Variants in PDGFRB observed in about 807,000 individuals in gnomAD.
The protein encoded by PDGFRB is platelet derived growth factor receptor beta, also known as platelet-derived growth factor receptor beta.
Under a neutral mutation model 120.2 loss-of-function variants are expected in PDGFRB, and 42 were observed. The observed-to-expected ratio is 0.35, with a 90% CI of 0.27 to 0.45. PDGFRB has a LOEUF of 0.45. Among genes scored for constraint, PDGFRB ranks in the 20% least tolerant of loss-of-function variants. The pLI is 1.00. For missense variants in PDGFRB, 1,149 were observed against 1,476.3 expected (o/e 0.78, Z 3.63); for synonymous variants, 586 against 606.8 (o/e 0.97, Z 0.50).
chr5:150,127,853 A>AAAAAAAAAAAAAAAAAAAAAAAAC (rs1562000001), intron 10 of PDGFRB, among the ~76,000 whole-genome samples: 2 of 151,030 alleles, frequency 1.3e-5, no homozygotes, highest in African/African-American at 4.9e-5. Flanking sequence ...AAAAAAAAAA[A>AAAAAAAAAAAAAAAAAAAAAAAAC]AAAAAACTTT....
intron 1 of PDGFRB, among the ~76,000 whole-genome samples, chr5:150,142,376 C>T (rs968172781): frequency 2.0e-5 from 3 of 152,190 alleles, no homozygotes; most frequent in Non-Finnish European, 2.9e-5. Context: ...ACACATTGAC[C>T]TTTGTTTCAA....
At chr5:150,149,035 G>A (rs1433611962) in intron 1 of PDGFRB, among the ~76,000 whole-genome samples, 2 of 152,234 alleles carry the variant, frequency 1.3e-5, no homozygotes, top group African/African-American at 4.8e-5. Context: ...CTTCAGGAAA[G>A]GTCTGCGGTG....
At chr5:150,131,368 T>C (rs1760460653) in intron 8 of PDGFRB, among the ~76,000 whole-genome samples, 1 of 152,158 alleles carries the variant, frequency 6.6e-6, no homozygotes, top group African/African-American at 2.4e-5. Flanking sequence ...TTTCCCCAAA[T>C]ATCCACTAAG....
At chr5:150,151,729 G>A (rs912622421) in intron 1 of PDGFRB, among the ~76,000 whole-genome samples, 10 of 151,870 alleles carry the variant, frequency 6.6e-5, no homozygotes, top group Admixed American at 2.0e-4. Context: ...GCATGGTGGC[G>A]CACACGCCTG....
chr5:150,135,683 C>G lies in PDGFRB; in HGVS notation c.236G>C (p.Gly79Ala), dbSNP rs1224840287. Reference protein sequence around the residue: ...PPQEMAKAQDGTFSSVLTLTN... With the variant: ...PPQEMAKAQDATFSSVLTLTN... The stretch of plus-strand genomic sequence containing the variant: ...CAGTGTGAGCACGCTGGAGAAGGTG[C>G]CATCCTGGGCCTTGGCCATTTCCTG... Residue 79 changes from glycine to alanine, a missense_variant, in exon 3 of 23, where the codon GGC becomes GCC. Gly to Ala is a moderately conservative substitution (Grantham distance 60). Coordinates refer to ENST00000261799, the MANE Select transcript of PDGFRB (RefSeq NM_002609.4). 6.2e-7 allele frequency: 1 copy of G among 1,614,102 alleles called. No homozygotes were observed. The highest frequency in any genetic ancestry group is 1.1e-5 in the South Asian group (1 of 91,084).
intron 1 of PDGFRB, among the ~76,000 whole-genome samples, chr5:150,139,381 G>C (rs780637070): frequency 6.6e-6 from 1 of 152,106 alleles, no homozygotes; most frequent in African/African-American, 2.4e-5. Context: ...TGAACTCTGC[G>C]TCCCCATCCA....
chr5:150,152,153 C>T (rs575958110), intron 1 of PDGFRB, among the ~76,000 whole-genome samples: 3 of 152,110 alleles, frequency 2.0e-5, no homozygotes, highest in South Asian at 2.1e-4. Flanking sequence ...GTGATCCACC[C>T]GCCTCGGCCT....
chr5:150,135,732 C>T lies in PDGFRB; in HGVS notation c.187G>A (p.Glu63Lys). The change falls in exon 3 of 23, where the codon GAA becomes AAA. Residue 63 changes from glutamate (E) to lysine (K), a missense_variant. Physicochemically the swap from Glu to Lys is moderately conservative, Grantham distance 56. This residue lies in a region of PDGFRB where 879 missense variants were observed against 1,108.6 expected (regional missense o/e 0.79). Coordinates refer to ENST00000261799, the MANE Select transcript of PDGFRB (RefSeq NM_002609.4). ...TGTGGGGGCTCCTGGGACATCCGTT[C>T]CCACACCACCGGAGCTGAACCCGAG... is the stretch of plus-strand genomic sequence containing the variant. ...TCSGSAPVVWERMSQEPPQEM... is the reference protein window; with the variant it reads ...TCSGSAPVVWKRMSQEPPQEM... 3.1e-6 allele frequency: 5 copies of T among 1,614,110 alleles called. No individual in the cohort carries two copies. In the African/African-American group the frequency reaches 6.7e-5, roughly 22 times the overall value.
At position 150,120,860 on chromosome 5, in the gene PDGFRB, C is replaced by A. The variant is rs116476231; in HGVS notation, c.2586+28G>T. 7.4e-6 allele frequency: 12 copies of A among 1,611,294 alleles called. No individual in the cohort carries two copies. The highest frequency in any genetic ancestry group is 1.0e-5 in the Non-Finnish European group (12 of 1,177,618). ...CCTGCGGTCACAGGCACTGTGACTG[C>A]CCTGCAGGGGCCAGGGAAGGTACTC... On this transcript the variant is annotated intron_variant, in intron 18 of 22. Coordinates refer to ENST00000261799, the MANE Select transcript of PDGFRB (RefSeq NM_002609.4). This position sits in a 1 kb window ranked among gnomAD's most constrained non-coding sequence, Gnocchi z 4.3.
intron 1 of PDGFRB, among the ~76,000 whole-genome samples, chr5:150,142,520 G>C (rs144443217): frequency 6.6e-6 from 1 of 152,132 alleles, no homozygotes; most frequent in African/African-American, 2.4e-5. Context: ...TCTGTTCTCC[G>C]TACCGGGGCA....
rs754766440 is a variant in PDGFRB at position 150,135,806 on chromosome 5, G to A, written c.113C>T (p.Pro38Leu). Residue 38 changes from proline (P) to leucine (L), a missense_variant, in exon 3 of 23, where the codon CCG (proline) becomes CTG (leucine). Coordinates refer to ENST00000261799, the MANE Select transcript of PDGFRB (RefSeq NM_002609.4). Reference protein sequence around the residue: ...QISQGLVVTPPGPELVLNVSS... With the variant: ...QISQGLVVTPLGPELVLNVSS... ...GACATTGAGGACAAGCTCTGGCCCCGGGGGTGTGACGACCAGGCCCTGAGA... is the reference window on the plus strand; with the variant it reads ...GACATTGAGGACAAGCTCTGGCCCCAGGGGTGTGACGACCAGGCCCTGAGA... The A allele has an allele frequency of 2.1e-5, 34 of 1,590,114 alleles. No homozygotes were observed. Among genetic ancestry groups the A allele is most frequent in the Admixed American group, 1.2e-4 (7 of 57,030 alleles).
rs1761211279 is a variant in PDGFRB at position 150,155,673 on chromosome 5, G to A, written c.-283C>T. The stretch of plus-strand genomic sequence containing the variant: ...TCGGGAGGAGCAGAGCCGCCAGAGG[G>A]GCCGCCCTGGGTCTGGCTGTCTGCG... On this transcript the variant is annotated 5_prime_UTR_variant, in exon 1 of 23. Transcript: ENST00000261799. The A allele has an allele frequency of 2.5e-6, 1 of 398,546 alleles. No homozygotes were observed. The allele number at this position is 398,546 out of a possible 1,614,324, so 24.7% of individuals were successfully genotyped here.
rs543287225 is a variant in PDGFRB at position 150,122,133 on chromosome 5, A to T, written c.2184-93T>A. 2.0e-5 allele frequency: 18 copies of T among 902,974 alleles called. No individual in the cohort carries two copies. In the South Asian group the frequency reaches 2.5e-4, roughly 13 times the overall value. The allele number at this position is 902,974 out of a possible 1,614,324, so 55.9% of individuals were successfully genotyped here. On this transcript the variant is annotated intron_variant, in intron 15 of 22. Transcript: ENST00000261799. The stretch of plus-strand genomic sequence containing the variant: ...CACTCATGAATTTCTTCTCTCACTC[A>T]CACACTCACTCATCTTCCTTCAGTC...
chr5:150,129,094 G>A (rs900761012), intron 10 of PDGFRB, among the ~76,000 whole-genome samples: 1 of 152,188 alleles, frequency 6.6e-6, no homozygotes, highest in African/African-American at 2.4e-5. Flanking sequence ...CATGTGTACG[G>A]GAATTATGCT....
intron 21 of PDGFRB, 145 bp from the exon 22 acceptor site, chr5:150,117,995 G>A: frequency 1.6e-6 from 1 of 617,754 alleles, no homozygotes; most frequent in South Asian, 2.0e-5. Flanking sequence ...AAGCCACATG[G>A]TTGAGCTGCC....
chr5:150,130,417 C>T, intron 9 of PDGFRB, 122 bp downstream of exon 9: 1 of 927,608 alleles, frequency 1.1e-6, no homozygotes. Context: ...GACCTGGCCT[C>T]CTAGGATGCA....
intron 1 of PDGFRB, among the ~76,000 whole-genome samples, chr5:150,154,334 C>G (rs1244098853): frequency 1.3e-5 from 2 of 152,110 alleles, no homozygotes; most frequent in African/African-American, 4.8e-5. Flanking sequence ...AGTAATGGGG[C>G]ACGGGGAGAT....
chr5:150,117,535 C>A, intron 22 of PDGFRB, 83 bp downstream of exon 22: 1 of 649,816 alleles, frequency 1.5e-6, no homozygotes, highest in South Asian at 1.9e-5. Context: ...GCAGCGCGCG[C>A]GCGCGCGCGC....
intron 4 of PDGFRB, 170 bp downstream of exon 4, chr5:150,134,580 G>A (rs966872916): frequency 1.1e-5 from 7 of 639,874 alleles, no homozygotes; most frequent in Non-Finnish European, 1.6e-5. Flanking sequence ...CTCTCTCTGC[G>A]CCTGAGTTTC....
Sources: allele counts gnomAD v4.1 joint callset (sites outside exome capture counted in the v4.1 genomes callset), GRCh38; gene constraint gnomAD v4.1.1; regional missense constraint gnomAD v4.1.1; non-coding constraint Gnocchi (gnomAD v3.1); transcripts MANE v1.5; gene names NCBI Gene and HGNC (gene_info 2026-07-23, HGNC 2026-07-21).